Variants in AZIN2 observed in about 807,000 individuals in gnomAD.
AZIN2 encodes the protein ODC antizyme inhibitor-2.
In AZIN2, 28 loss-of-function variants were observed where a neutral mutation model predicts 47.8. The observed-to-expected ratio is 0.59, with a 90% confidence interval of 0.43 to 0.80. The LOEUF (loss-of-function observed/expected upper bound fraction) is 0.80, where lower values mean the gene tolerates loss of function less well. AZIN2 is among the 30% of genes least tolerant of loss of function. The pLI is 0.00. For missense variants in AZIN2, 535 were observed against 582.5 expected (o/e 0.92, Z 0.84); for synonymous variants, 221 against 239.4 (o/e 0.92, Z 0.71).
chr1:33,142,147 A>G, the AZIN2 span: 3 of 152,194 alleles, frequency 2.0e-5, no homozygotes, highest in African/African-American at 7.2e-5. Flanking sequence ...AGCCCTCTGT[A>G]TTTAAGCCTG....
chr1:33,088,009 C>T (rs1642122023), intron 5 of AZIN2, among the ~76,000 whole-genome samples: 2 of 152,174 alleles, frequency 1.3e-5, no homozygotes, highest in African/African-American at 4.8e-5. Flanking sequence ...GGTACCATCT[C>T]TCCCCATCTT....
chr1:33,129,422 G>C, the AZIN2 span, among the ~76,000 whole-genome samples: 1 of 152,188 alleles, frequency 6.6e-6, no homozygotes, highest in African/African-American at 2.4e-5. This position sits in a 1 kb window ranked among gnomAD's most constrained non-coding sequence, Gnocchi z 4.1. Flanking sequence ...TACACAGACT[G>C]TCTTTGGGTC....
the AZIN2 span, among the ~76,000 whole-genome samples, chr1:33,153,813 G>A: frequency 6.6e-6 from 1 of 152,210 alleles, no homozygotes; most frequent in Non-Finnish European, 1.5e-5. Flanking sequence ...AAACAGAACT[G>A]AGACTAGGAT....
At chr1:33,159,566 T>C in the AZIN2 span, 7 of 1,368,046 alleles carry the variant, frequency 5.1e-6, no homozygotes, top group Non-Finnish European at 6.8e-6. This position sits in a 1 kb window ranked among gnomAD's most constrained non-coding sequence, Gnocchi z 4.2. Flanking sequence ...CCGTAAATGT[T>C]TGATGAAGAT....
chr1:33,166,444 T>C, the AZIN2 span: 197 of 151,862 alleles, frequency 1.3e-3, no homozygotes, highest in African/African-American at 4.7e-3. Flanking sequence ...AGTCCAATGC[T>C]ACAGACTAGC....
the AZIN2 span, among the ~76,000 whole-genome samples, chr1:33,131,526 G>C: frequency 6.6e-6 from 1 of 152,104 alleles, no homozygotes; most frequent in African/African-American, 2.4e-5. Flanking sequence ...CAAAGATGTA[G>C]TTCAAAAGAA....
chr1:33,165,713 A>G, the AZIN2 span: 1 of 556,070 alleles, frequency 1.8e-6, no homozygotes, highest in Non-Finnish European at 3.0e-6. This position sits in a 1 kb window ranked among gnomAD's most constrained non-coding sequence, Gnocchi z 4.0. Context: ...ACCACCAGCA[A>G]GTCCTGTAGA....
chr1:33,094,467 C>A, intron 7 of AZIN2, 81 bp from the exon 8 acceptor site: 1 of 1,440,040 alleles, frequency 6.9e-7, no homozygotes, highest in Non-Finnish European at 9.5e-7. Flanking sequence ...CATGTGCCTG[C>A]CCAATGTCAT....
At chr1:33,147,296 A>G in the AZIN2 span, 1 of 1,614,060 alleles carries the variant, frequency 6.2e-7, no homozygotes, top group Non-Finnish European at 8.5e-7. The surrounding 1 kb of genome is among the most constrained non-coding windows in gnomAD (Gnocchi z 8.1). Flanking sequence ...GTGTAGAGCC[A>G]GGACATGTCA....
At chr1:33,165,589 A>T in the AZIN2 span, 1 of 1,589,804 alleles carries the variant, frequency 6.3e-7, no homozygotes, top group Non-Finnish European at 8.6e-7. This position sits in a 1 kb window ranked among gnomAD's most constrained non-coding sequence, Gnocchi z 4.0. Context: ...CAGGGCCGGG[A>T]TGGGGGCAGG....
At chr1:33,133,351 T>C in the AZIN2 span, among the ~76,000 whole-genome samples, 3 of 152,356 alleles carry the variant, frequency 2.0e-5, no homozygotes, top group South Asian at 6.2e-4. Context: ...GTCACACCTT[T>C]GGGCAATACA....
chr1:33,153,512 AG>A, the AZIN2 span, among the ~76,000 whole-genome samples: 9 of 152,340 alleles, frequency 5.9e-5, no homozygotes, highest in East Asian at 1.7e-3. Context: ...GATAGAGGCC[AG>A]GGATGCCACT....
chr1:33,148,292 A>G, the AZIN2 span, among the ~76,000 whole-genome samples: 1 of 152,232 alleles, frequency 6.6e-6, no homozygotes, highest in Non-Finnish European at 1.5e-5. Context: ...TCTTTTTTAT[A>G]AGGATAAGAA....
chr1:33,115,415 A>G (rs1644492458), intron 10 of AZIN2, among the ~76,000 whole-genome samples: 1 of 152,128 alleles, frequency 6.6e-6, no homozygotes, highest in Admixed American at 6.5e-5. Context: ...CTTAAAAAAA[A>G]AAAAATAGGC....
At chr1:33,148,158 A>G in the AZIN2 span, among the ~76,000 whole-genome samples, 3 of 152,164 alleles carry the variant, frequency 2.0e-5, no homozygotes, top group African/African-American at 7.2e-5. Flanking sequence ...AACAGCTGGG[A>G]TCCAGGGATG....
In AZIN2 at chr1:33,082,333, GGGGGCCTCACAGGCCACCACGGTGA is replaced by G; in HGVS notation, c.90_105+9del. 7 of 1,613,834 alleles carry G rather than the reference GGGGGCCTCACAGGCCACCACGGTGA, an allele frequency of 4.3e-6. No individual in the cohort carries two copies. Among genetic ancestry groups the G allele is most frequent in the Non-Finnish European group, 5.9e-6 (7 of 1,179,888 alleles). ...GAGACCTGCTGAAGGAACTCACTCT[GGGGGCCTCACAGGCCACCACGGTGA>G]GGGGCTGGGAATGGGGGTGGGTCCC... On this transcript the variant is annotated splice_donor_variant and splice_donor_region_variant and coding_sequence_variant and intron_variant, in exon 4 of 12. Transcript: ENST00000294517. LOFTEE classifies it high-confidence loss of function.
At chr1:33,133,678 T>G in the AZIN2 span, among the ~76,000 whole-genome samples, 3 of 152,128 alleles carry the variant, frequency 2.0e-5, no homozygotes, top group African/African-American at 2.4e-5. Flanking sequence ...AGATGGGGTG[T>G]TAGGGCAAGG....
Position 33,121,369 on chromosome 1 carries a change from C to T in AZIN2, c.*1187C>T, listed in dbSNP as rs1644791493. Reference sequence around the variant, plus strand: ...CCTGAGGTCAGGAGTTCGAGACCAGCCTGGCCAACATGGCAAAACCCCGTC... The same window carrying T: ...CCTGAGGTCAGGAGTTCGAGACCAGTCTGGCCAACATGGCAAAACCCCGTC... On this transcript the variant is annotated 3_prime_UTR_variant, in exon 12 of 12. Coordinates refer to ENST00000294517, the MANE Select transcript of AZIN2 (RefSeq NM_052998.4). Among the ~76,000 whole-genome samples, 1 of 152,124 alleles carries T rather than the reference C, an allele frequency of 6.6e-6. No individual in the cohort carries two copies. The highest frequency in any genetic ancestry group is 6.5e-5 in the Admixed American group (1 of 15,284).
chr1:33,117,940 G>T lies in AZIN2; in HGVS notation c.1068G>T (p.Leu356=). 1.9e-6 allele frequency: 3 copies of T among 1,613,886 alleles called. No individual in the cohort carries two copies. Among genetic ancestry groups the T allele is most frequent in the Non-Finnish European group, 2.5e-6 (3 of 1,179,884 alleles). The change falls in exon 11 of 12, where the codon CTG becomes CTT. Residue 356 remains leucine (L), a synonymous_variant. Coordinates refer to ENST00000294517, the MANE Select transcript of AZIN2 (RefSeq NM_052998.4). ...STEQPLYSSS[L]WGPAVDGCDC... is the part of the protein sequence containing the mutation. Reference sequence around the variant, plus strand: ...AGCAGCCCCTGTACAGCAGCAGCCTGTGGGGCCCGGCGGTTGATGGCTGTG... The same window carrying T: ...AGCAGCCCCTGTACAGCAGCAGCCTTTGGGGCCCGGCGGTTGATGGCTGTG...
Sources: allele counts gnomAD v4.1 joint callset (sites outside exome capture counted in the v4.1 genomes callset), GRCh38; gene constraint gnomAD v4.1.1; non-coding constraint Gnocchi (gnomAD v3.1); transcripts MANE v1.5; gene names NCBI Gene and HGNC (gene_info 2026-07-23, HGNC 2026-07-21).